Variants in NCS1 observed in about 807,000 individuals in gnomAD.
The protein encoded by NCS1 is neuronal calcium sensor 1, also known as frequenin homolog.
In NCS1, 6 loss-of-function variants were observed where a neutral mutation model predicts 28.4. That is an observed-to-expected ratio of 0.21 (90% CI 0.12 to 0.42). The LOEUF (loss-of-function observed/expected upper bound fraction) is 0.42, where lower values mean the gene tolerates loss of function less well. NCS1 is among the 10% of genes least tolerant of loss of function. The pLI is 1.00. For missense variants in NCS1, 131 were observed against 241.4 expected (o/e 0.54, Z 3.03); for synonymous variants, 86 against 99.3 (o/e 0.87, Z 0.79).
chr9:130,179,299 G>T lies in NCS1; in HGVS notation c.64+6572G>T, dbSNP rs1588107346. 3.3e-5 allele frequency among the ~76,000 whole-genome samples: 5 copies of T among 152,140 alleles called. No individual in the cohort carries two copies. In the East Asian group the frequency reaches 9.7e-4, roughly 29 times the overall value. On this transcript the variant is annotated intron_variant, in intron 1 of 7. Coordinates refer to ENST00000372398, the MANE Select transcript of NCS1 (RefSeq NM_014286.4). The stretch of plus-strand genomic sequence containing the variant: ...TTTATTTTCTGACTTAAAAAAACCT[G>T]ACCATTCTGAATGTTTGCCCGTATC...
chr9:130,178,637 GA>G (rs1211494018), intron 1 of NCS1, among the ~76,000 whole-genome samples: 1 of 152,166 alleles, frequency 6.6e-6, no homozygotes, highest in Non-Finnish European at 1.5e-5. Flanking sequence ...GGGAGCCGTG[GA>G]AGGGAGGTGA....
intron 7 of NCS1, among the ~76,000 whole-genome samples, chr9:130,230,870 G>A (rs538491164): frequency 3.5e-5 from 5 of 142,720 alleles, no homozygotes; most frequent in African/African-American, 5.2e-5. Context: ...ATTTCAAAAT[G>A]TATTTCTAAA....
At position 130,186,837 on chromosome 9, in the gene NCS1, G is replaced by GGGAGGGCCCTGATGGCA. The variant is rs1213423672; in HGVS notation, c.65-14111_65-14095dup. ...CTGTGGCCGTGAGGGTGCTGATGGCGGGAGGGCCCTGATGGCAGGAGGGCC... is the reference window on the plus strand; with the variant it reads ...CTGTGGCCGTGAGGGTGCTGATGGCGGGAGGGCCCTGATGGCAGGAGGGCCCTGATGGCAGGAGGGCC... On this transcript the variant is annotated intron_variant, in intron 1 of 7. Coordinates refer to ENST00000372398, the MANE Select transcript of NCS1 (RefSeq NM_014286.4). This position sits in a 1 kb window ranked among gnomAD's most constrained non-coding sequence, Gnocchi z 4.1. Among the ~76,000 whole-genome samples the GGGAGGGCCCTGATGGCA allele has an allele frequency of 5.9e-5, 9 of 152,306 alleles. No individual in the cohort carries two copies. Among genetic ancestry groups the GGGAGGGCCCTGATGGCA allele is most frequent in the Non-Finnish European group, 8.8e-5 (6 of 68,018 alleles).
In NCS1 at chr9:130,232,785, CA is replaced by C; in HGVS notation, c.*18-197del. Among the ~76,000 whole-genome samples, 1 of 149,626 alleles carries C rather than the reference CA, an allele frequency of 6.7e-6. No individual in the cohort carries two copies. ...CAGGTGACAGAGCAAGACTCCAACT[CA>C]AAAAAAAGCAAACAAAAAAAAACCA... is the stretch of plus-strand genomic sequence containing the variant. On this transcript the variant is annotated intron_variant, in intron 7 of 7. Transcript: ENST00000372398. This position sits in a 1 kb window ranked among gnomAD's most constrained non-coding sequence, Gnocchi z 4.4.
At chr9:130,200,514 C>A in intron 1 of NCS1, 1 of 1,524,474 alleles carries the variant, frequency 6.6e-7, no homozygotes, top group Non-Finnish European at 8.9e-7. Flanking sequence ...TTCAGCCTAG[C>A]TCCCCCCACC....
At chr9:130,185,365 A>G (rs576761839) in intron 1 of NCS1, among the ~76,000 whole-genome samples, 2 of 152,350 alleles carry the variant, frequency 1.3e-5, no homozygotes, top group East Asian at 3.9e-4. Context: ...GAATGAACGA[A>G]GTTCCTTCTT....
At chr9:130,230,499 A>G (rs975043154) in intron 7 of NCS1, among the ~76,000 whole-genome samples, 12 of 152,236 alleles carry the variant, frequency 7.9e-5, no homozygotes, top group African/African-American at 2.4e-4. Context: ...GCTTTAGGCC[A>G]GAAGTTTGAG....
intron 1 of NCS1, chr9:130,193,880 C>T (rs575309068): frequency 2.6e-5 from 4 of 152,478 alleles, no homozygotes; most frequent in African/African-American, 7.2e-5. Context: ...ATGGGTCACT[C>T]GTGGCCAGGC....
At chr9:130,190,534 G>A (rs1314777378) in intron 1 of NCS1, among the ~76,000 whole-genome samples, 1 of 152,190 alleles carries the variant, frequency 6.6e-6, no homozygotes, top group Non-Finnish European at 1.5e-5. Context: ...CTATGTCAGT[G>A]CGACTTGATC....
In NCS1 at chr9:130,191,241, G is replaced by A. The variant is rs1832813114; in HGVS notation, c.65-9717G>A. Among the ~76,000 whole-genome samples, 4 of 152,292 alleles carry A rather than the reference G, an allele frequency of 2.6e-5. No individual in the cohort carries two copies. Among genetic ancestry groups the A allele is most frequent in the African/African-American group, 7.2e-5 (3 of 41,570 alleles). ...TGCTGGACTGTGTGTCCCAAGCCGA[G>A]AGCCTGGCTTTAGAGGGCCTCGGGC... On this transcript the variant is annotated intron_variant, in intron 1 of 7. Transcript: ENST00000372398. The surrounding 1 kb of genome is among the most constrained non-coding windows in gnomAD (Gnocchi z 6.4).
chr9:130,204,131 T>C (rs1485317340), intron 2 of NCS1, among the ~76,000 whole-genome samples: 1 of 152,106 alleles, frequency 6.6e-6, no homozygotes, highest in African/African-American at 2.4e-5. Context: ...TAGCTGGGAT[T>C]ACAGGTGCAC....
intron 2 of NCS1, among the ~76,000 whole-genome samples, chr9:130,210,449 G>C (rs1427373000): frequency 5.3e-5 from 8 of 151,786 alleles, no homozygotes; most frequent in Admixed American, 5.3e-4. Context: ...TGGGGCCAGA[G>C]TGGGGACTCG....
In NCS1 at chr9:130,192,375, GGCCCAGA is replaced by G. The variant is rs1832826463; in HGVS notation, c.65-8579_65-8573del. ...AGTCTGGGGCCCGGCCACGTTGTCT[GGCCCAGA>G]GCCTGTGCCCACCTTCCTGTCCTCA... On this transcript the variant is annotated intron_variant, in intron 1 of 7. Transcript: ENST00000372398. This position sits in a 1 kb window ranked among gnomAD's most constrained non-coding sequence, Gnocchi z 4.8. Among the ~76,000 whole-genome samples, 1 of 152,072 alleles carries G rather than the reference GGCCCAGA, an allele frequency of 6.6e-6. No homozygotes were observed. Among genetic ancestry groups the G allele is most frequent in the Non-Finnish European group, 1.5e-5 (1 of 68,008 alleles).
Position 130,219,615 on chromosome 9 carries a change from T to A in NCS1, c.229-110T>A. On this transcript the variant is annotated intron_variant, in intron 3 of 7. Coordinates refer to ENST00000372398, the MANE Select transcript of NCS1 (RefSeq NM_014286.4). The surrounding 1 kb of genome is among the most constrained non-coding windows in gnomAD (Gnocchi z 5.7). ...CCTGCCCTCTCCACCTGAGTGTCCA[T>A]TGGCCACAGTGTCTGGAGCCTGCGA... The A allele has an allele frequency of 2.2e-6, 2 of 897,576 alleles. No individual in the cohort carries two copies. Among genetic ancestry groups the A allele is most frequent in the Admixed American group, 2.0e-5 (1 of 49,402 alleles). 55.6% of individuals were successfully genotyped at this position (897,576 alleles called of 1,614,324 possible). A position where few individuals can be genotyped will look rare whatever the true frequency, so the allele number is the denominator to read the frequency against.
chr9:130,183,801 T>C (rs1389926001), intron 1 of NCS1, among the ~76,000 whole-genome samples: 1 of 150,672 alleles, frequency 6.6e-6, no homozygotes, highest in Non-Finnish European at 1.5e-5. Context: ...CTTCCCTCCT[T>C]CTTTTCTTTT....
At chr9:130,222,844 A>T in intron 5 of NCS1, 106 bp downstream of exon 5, 1 of 1,222,010 alleles carries the variant, frequency 8.2e-7, no homozygotes, top group Non-Finnish European at 1.2e-6. Flanking sequence ...CCCAGGGTGG[A>T]AGCAGGGGTC....
At position 130,172,637 on chromosome 9, in the gene NCS1, G is replaced by A. The variant is rs527336119; in HGVS notation, c.-27G>A. 22 of 1,419,112 alleles carry A rather than the reference G, an allele frequency of 1.6e-5. No homozygotes were observed. The highest frequency in any genetic ancestry group is 1.5e-5 in the African/African-American group (1 of 65,880). The allele number at this position is 1,419,112 out of a possible 1,614,324, so 87.9% of individuals were successfully genotyped here. On this transcript the variant is annotated 5_prime_UTR_variant, in exon 1 of 8. Coordinates refer to ENST00000372398, the MANE Select transcript of NCS1 (RefSeq NM_014286.4). ...GGGCGCCCCAACCGGGTCCGGCCCG[G>A]GGGGGCGGGGGCCGCGGCCGCCGAG...
At chr9:130,229,783 G>A (rs10988648) in intron 7 of NCS1, among the ~76,000 whole-genome samples, 78,794 of 152,008 alleles carry the variant, frequency 0.52, 22,891 homozygotes, top group East Asian at 0.83. Context: ...GTGCCTACGC[G>A]GTAGTGATTA....
chr9:130,186,754 G>T lies in NCS1; in HGVS notation c.64+14027G>T, dbSNP rs115479515. ...AGCCCTGAGAGGGTCCCAAGGAGGT[G>T]TCAAGGTTTGGCAACTCTGGGGACA... On this transcript the variant is annotated intron_variant, in intron 1 of 7. Coordinates refer to ENST00000372398, the MANE Select transcript of NCS1 (RefSeq NM_014286.4). The surrounding 1 kb of genome is among the most constrained non-coding windows in gnomAD (Gnocchi z 4.1). 0.019 allele frequency among the ~76,000 whole-genome samples: 2,891 copies of T among 152,300 alleles called. 79 individuals are homozygous for T. The highest frequency in any genetic ancestry group is 0.063 in the African/African-American group (2,607 of 41,560).
Sources: gnomAD v4.1 joint callset for allele counts (sites outside exome capture counted in the v4.1 genomes callset) on GRCh38, gnomAD v4.1.1 for gene constraint, Gnocchi (gnomAD v3.1) non-coding constraint, MANE v1.5 for transcripts, NCBI Gene and HGNC (gene_info 2026-07-23, HGNC 2026-07-21) for gene names.